SLC16A1: variants seen among roughly 807,000 people sequenced by gnomAD.
The protein encoded by SLC16A1 is monocarboxylate transporter 1.
A neutral mutation model predicts 32.2 loss-of-function variants in SLC16A1; 11 were observed. The observed-to-expected ratio is 0.34, with a 90% confidence interval of 0.21 to 0.56. SLC16A1 has a LOEUF of 0.56. Ranked by LOEUF, SLC16A1 falls within the 20% of genes least tolerant of loss-of-function variation. The pLI, the probability that SLC16A1 is intolerant of heterozygous loss-of-function variation, is 0.87. For synonymous variants in SLC16A1, 231 were observed against 226.8 expected (o/e 1.02, Z -0.17); for missense variants, 435 against 615.0 (o/e 0.71, Z 3.10).
intron 1 of SLC16A1, among the ~76,000 whole-genome samples, chr1:112,938,729 A>C (rs1487666859): frequency 6.6e-6 from 1 of 152,210 alleles, no homozygotes; most frequent in East Asian, 1.9e-4. Flanking sequence ...TTTTAGGCCT[A>C]TCTTTCAGAA....
intron 1 of SLC16A1, among the ~76,000 whole-genome samples, chr1:112,937,163 C>T (rs1216626071): frequency 2.6e-5 from 4 of 152,116 alleles, no homozygotes; most frequent in Non-Finnish European, 4.4e-5. Flanking sequence ...ATAGAACACC[C>T]ACACACAGAC....
chr1:112,954,558 T>TAGTG (rs1188002707), intron 1 of SLC16A1, among the ~76,000 whole-genome samples: 12 of 152,350 alleles, frequency 7.9e-5, no homozygotes, highest in Middle Eastern at 6.8e-3. Flanking sequence ...TTTCATCCTA[T>TAGTG]AGTGATATGA....
intron 1 of SLC16A1, among the ~76,000 whole-genome samples, chr1:112,932,162 T>C (rs966938531): frequency 3.3e-5 from 5 of 152,230 alleles, no homozygotes; most frequent in African/African-American, 7.2e-5. Flanking sequence ...TCACCACTTA[T>C]ACACAACATT....
intron 2 of SLC16A1, among the ~76,000 whole-genome samples, chr1:112,924,635 T>C (rs987779743): frequency 6.6e-6 from 1 of 152,230 alleles, no homozygotes. Flanking sequence ...TGATCATTTT[T>C]TCCAAGTTTA....
chr1:112,935,093 T>C (rs1210643596), intron 1 of SLC16A1, among the ~76,000 whole-genome samples: 1 of 152,182 alleles, frequency 6.6e-6, no homozygotes, highest in African/African-American at 2.4e-5. Context: ...AGAAGAAGAT[T>C]AATTGATTTG....
chr1:112,919,661 GA>G (rs1354223282), intron 3 of SLC16A1, among the ~76,000 whole-genome samples: 4 of 152,162 alleles, frequency 2.6e-5, no homozygotes, highest in African/African-American at 9.7e-5. Context: ...AATTAATAGA[GA>G]GAAATTATTC....
At position 112,956,106 on chromosome 1, in the gene SLC16A1, C is replaced by G. The variant is rs967377445; in HGVS notation, c.-116G>C. On this transcript the variant is annotated 5_prime_UTR_variant, in exon 1 of 5. Transcript: ENST00000369626. ...GCGCAGGCTGGAGTTCCACGGGGCC[C>G]AGGGTCCGGCTCCCGTCCTTCGCTC... 6.6e-6 allele frequency: 1 copy of G among 152,434 alleles called. No individual in the cohort carries two copies. The highest frequency in any genetic ancestry group is 1.9e-4 in the East Asian group (1 of 5,202). 9.4% of individuals were successfully genotyped at this position (152,434 alleles called of 1,614,324 possible). A position where few individuals can be genotyped will look rare whatever the true frequency, so the allele number is the denominator to read the frequency against.
chr1:112,913,672 C>T lies in SLC16A1; in HGVS notation c.*219G>A. 1.7e-6 allele frequency: 1 copy of T among 597,700 alleles called. No homozygotes were observed. The highest frequency in any genetic ancestry group is 3.0e-6 in the Non-Finnish European group (1 of 336,434). 37.0% of individuals were successfully genotyped at this position (597,700 alleles called of 1,614,324 possible). On this transcript the variant is annotated 3_prime_UTR_variant, in exon 5 of 5. Coordinates refer to ENST00000369626, the MANE Select transcript of SLC16A1 (RefSeq NM_003051.4). ...AGATTAAAACAAAACAAAACAGAAC[C>T]TACTTCTTTCCCCCATCCTTTGCTA...
Position 112,912,574 on chromosome 1 carries a change from T to C in SLC16A1, c.*1317A>G, listed in dbSNP as rs1405981030. ...CCTCCTTATCCTTATACTGAATCCA[T>C]TTCTCTACTTTTCAGGTAAGTGAAA... is the stretch of plus-strand genomic sequence containing the variant. On this transcript the variant is annotated 3_prime_UTR_variant, in exon 5 of 5. Transcript: ENST00000369626. 6.6e-6 allele frequency: 1 copy of C among 152,200 alleles called. No individual in the cohort carries two copies. The highest frequency in any genetic ancestry group is 1.5e-5 in the Non-Finnish European group (1 of 68,028). 9.4% of individuals were successfully genotyped at this position (152,200 alleles called of 1,614,324 possible).
At chr1:112,943,683 G>C (rs1480440301) in intron 1 of SLC16A1, among the ~76,000 whole-genome samples, 2 of 151,414 alleles carry the variant, frequency 1.3e-5, no homozygotes, top group African/African-American at 4.9e-5. Flanking sequence ...AGCTTCTCAG[G>C]AGGCTGAGGC....
intron 1 of SLC16A1, among the ~76,000 whole-genome samples, chr1:112,947,908 T>A (rs913628280): frequency 1.1e-4 from 17 of 152,160 alleles, no homozygotes; most frequent in African/African-American, 3.6e-4. Context: ...ATTCTCTCCA[T>A]GGAAATCTTT....
At chr1:112,954,284 T>C (rs1451944245) in intron 1 of SLC16A1, among the ~76,000 whole-genome samples, 1 of 152,194 alleles carries the variant, frequency 6.6e-6, no homozygotes, top group Non-Finnish European at 1.5e-5. Context: ...GCTGAGATAA[T>C]TTGTATCCAA....
rs143427462 is a variant in SLC16A1 at position 112,938,105 on chromosome 1, A to G, written c.-44-8753T>C. On this transcript the variant is annotated intron_variant, in intron 1 of 4. Transcript: ENST00000369626. ...TGTTCTGTACACTTTCCTCATCAAC[A>G]TTTAAAATGAAGCCACTGTCTTTTC... Among the ~76,000 whole-genome samples, 548 of 152,304 alleles carry G rather than the reference A, an allele frequency of 3.6e-3. 7 individuals are homozygous for G. The highest frequency in any genetic ancestry group is 0.012 in the African/African-American group (514 of 41,566).
intron 2 of SLC16A1, among the ~76,000 whole-genome samples, chr1:112,927,119 C>CA (rs761951516): frequency 0.088 from 5,057 of 57,220 alleles, 332 homozygotes; most frequent in African/African-American, 0.22. Context: ...GACCCTGTGT[C>CA]AAAAAAAAAA....
At position 112,918,061 on chromosome 1, in the gene SLC16A1, T is replaced by C; in HGVS notation, c.362-17A>G. ...GCCCAAGACCTGTGAAGACAATAAA[T>C]AAATAAATAAATAAATAAATAAATA... On this transcript the variant is annotated splice_polypyrimidine_tract_variant and intron_variant, in intron 3 of 4. Coordinates refer to ENST00000369626, the MANE Select transcript of SLC16A1 (RefSeq NM_003051.4). The C allele has an allele frequency of 1.6e-6, 1 of 614,312 alleles. No homozygotes were observed. Among genetic ancestry groups the C allele is most frequent in the South Asian group, 4.7e-5 (1 of 21,304 alleles). The allele number at this position is 614,312 out of a possible 1,614,324, so 38.1% of individuals were successfully genotyped here.
At chr1:112,942,404 A>G (rs1649539069) in intron 1 of SLC16A1, among the ~76,000 whole-genome samples, 1 of 152,258 alleles carries the variant, frequency 6.6e-6, no homozygotes, top group Non-Finnish European at 1.5e-5. Context: ...TTCAAGTAAC[A>G]TGAAGGCATG....
intron 1 of SLC16A1, among the ~76,000 whole-genome samples, chr1:112,930,751 G>T (rs1649099133): frequency 1.4e-5 from 2 of 141,552 alleles, no homozygotes; most frequent in Admixed American, 1.4e-4. Context: ...TTGAGACAGA[G>T]TCTCACTCTG....
chr1:112,933,076 A>G (rs1050365773), intron 1 of SLC16A1, among the ~76,000 whole-genome samples: 2 of 152,222 alleles, frequency 1.3e-5, no homozygotes, highest in Non-Finnish European at 2.9e-5. Context: ...ACTGAAAACT[A>G]TAATACTGAG....
chr1:112,944,257 C>G (rs149303968), intron 1 of SLC16A1, among the ~76,000 whole-genome samples: 43 of 152,218 alleles, frequency 2.8e-4, no homozygotes, highest in African/African-American at 9.9e-4. Flanking sequence ...TCAAGACCAG[C>G]CTTGGCCATA....
Sources: allele counts gnomAD v4.1 joint callset (sites outside exome capture counted in the v4.1 genomes callset), GRCh38; gene constraint gnomAD v4.1.1; transcripts MANE v1.5; gene names NCBI Gene and HGNC (gene_info 2026-07-23, HGNC 2026-07-21).